The following ZNF804A variants were observed in gnomAD, a reference collection of about 807,000 sequenced individuals.
ZNF804A encodes the protein zinc finger protein 804A.
Under a neutral mutation model 16.5 loss-of-function variants are expected in ZNF804A, and 2 were observed. The ratio of observed to expected loss-of-function variants is 0.12; its 90% CI spans 0.05 to 0.38. ZNF804A has a LOEUF of 0.38. ZNF804A is among the 10% of genes least tolerant of loss of function. The pLI is 0.99. For synonymous variants in ZNF804A, 534 were observed against 489.6 expected, an observed-to-expected ratio of 1.09 and a Z score of -1.20; for missense variants, 1,473 against 1,390.7, an observed-to-expected ratio of 1.06 and a Z score of -0.94.
chr2:184,601,228 TG>T (rs762835588), intron 1 of ZNF804A, among the ~76,000 whole-genome samples: 78 of 152,218 alleles, frequency 5.1e-4, no homozygotes, highest in Middle Eastern at 3.4e-3. Context: ...AGTATTATTA[TG>T]GAAAATGATG....
In ZNF804A at chr2:184,937,615, T is replaced by C. The variant is rs1225754338; in HGVS notation, c.2219T>C (p.Val740Ala). 1 of 1,613,718 alleles carries C rather than the reference T, an allele frequency of 6.2e-7. No individual in the cohort carries two copies. Among genetic ancestry groups the C allele is most frequent in the Non-Finnish European group, 8.5e-7 (1 of 1,179,884 alleles). The change falls in exon 4 of 4, where the codon GTT becomes GCT. Residue 740 changes from valine (V) to alanine (A), a missense_variant. Val to Ala is a moderately conservative substitution (Grantham distance 64, BLOSUM62 0). Coordinates refer to ENST00000302277, the MANE Select transcript of ZNF804A (RefSeq NM_194250.2). Reference protein sequence around the residue: ...SSCSQDHRSLVLQNDMKHMSQ... With the variant: ...SSCSQDHRSLALQNDMKHMSQ... ...TGTAGTCAGGATCACAGAAGCTTAG[T>C]TCTTCAAAATGATATGAAACACATG...
intron 1 of ZNF804A, among the ~76,000 whole-genome samples, chr2:184,666,933 G>C (rs1692264279): frequency 6.6e-6 from 1 of 151,946 alleles, no homozygotes; most frequent in South Asian, 2.1e-4. Flanking sequence ...TAATTTCATG[G>C]AACATAGTTT....
chr2:184,731,999 A>T (rs1693528237), intron 1 of ZNF804A, among the ~76,000 whole-genome samples: 1 of 152,040 alleles, frequency 6.6e-6, no homozygotes, highest in African/African-American at 2.4e-5. Context: ...CTAGTCTTTG[A>T]ATTGTATTTT....
chr2:184,783,435 C>T (rs1052973184), intron 1 of ZNF804A, among the ~76,000 whole-genome samples: 17 of 151,698 alleles, frequency 1.1e-4, no homozygotes, highest in East Asian at 1.9e-4. Flanking sequence ...AAAAATCTTA[C>T]GATGTACTGA....
At chr2:184,771,649 T>C (rs975149148) in intron 1 of ZNF804A, among the ~76,000 whole-genome samples, 3 of 151,928 alleles carry the variant, frequency 2.0e-5, no homozygotes, top group Non-Finnish European at 2.9e-5. Context: ...TTAGATCAAC[T>C]GGATAAAAGT....
At chr2:184,685,327 C>G (rs934810266) in intron 1 of ZNF804A, among the ~76,000 whole-genome samples, 3 of 152,022 alleles carry the variant, frequency 2.0e-5, no homozygotes, top group Non-Finnish European at 4.4e-5. Context: ...GTGTCACAGC[C>G]GTGGCTCAGA....
intron 1 of ZNF804A, among the ~76,000 whole-genome samples, chr2:184,832,152 C>T (rs941728731): frequency 4.6e-5 from 7 of 151,998 alleles, no homozygotes; most frequent in African/African-American, 7.2e-5. Context: ...CATAATCAAG[C>T]ATCCATTCCT....
intron 1 of ZNF804A, among the ~76,000 whole-genome samples, chr2:184,818,431 C>A (rs1462875977): frequency 6.6e-6 from 1 of 151,348 alleles, no homozygotes; most frequent in Admixed American, 6.6e-5. Flanking sequence ...AAAGGAAAAA[C>A]CATTACCAGC....
chr2:184,904,788 G>A (rs577625024), intron 2 of ZNF804A, among the ~76,000 whole-genome samples: 53 of 152,034 alleles, frequency 3.5e-4, no homozygotes, highest in Admixed American at 1.4e-3. Context: ...GAAATGATAT[G>A]ATTTTTATGA....
intron 1 of ZNF804A, among the ~76,000 whole-genome samples, chr2:184,771,852 A>T (rs1694220395): frequency 6.6e-6 from 1 of 152,032 alleles, no homozygotes; most frequent in South Asian, 2.1e-4. Context: ...AAACAATGTA[A>T]TCTCAGGAGT....
At chr2:184,923,736 T>C (rs1368589475) in intron 2 of ZNF804A, among the ~76,000 whole-genome samples, 1 of 151,974 alleles carries the variant, frequency 6.6e-6, no homozygotes, top group Non-Finnish European at 1.5e-5. Flanking sequence ...CTAAACCCAG[T>C]TTTTTGAGGG....
At chr2:184,917,380 G>A (rs139619347) in intron 2 of ZNF804A, among the ~76,000 whole-genome samples, 2 of 152,154 alleles carry the variant, frequency 1.3e-5, no homozygotes, top group East Asian at 3.9e-4. Context: ...ATACTATGAT[G>A]TAAAATTAAC....
At position 184,937,786 on chromosome 2, in the gene ZNF804A, G is replaced by T; in HGVS notation, c.2390G>T (p.Arg797Met). The T allele has an allele frequency of 6.2e-6, 10 of 1,613,866 alleles. No homozygotes were observed. Among genetic ancestry groups the T allele is most frequent in the Non-Finnish European group, 8.5e-6 (10 of 1,179,938 alleles). Residue 797 changes from arginine (R) to methionine (M), a missense_variant, in exon 4 of 4, where the codon AGG (arginine) becomes ATG (methionine). Physicochemically the swap from Arg to Met is moderately conservative, Grantham distance 91. Coordinates refer to ENST00000302277, the MANE Select transcript of ZNF804A (RefSeq NM_194250.2). ...AATCATTTACCAGAAGAATTTTTGAGGCCACCAAGTACTTCAGTTGCTCCC... is the reference window on the plus strand; with the variant it reads ...AATCATTTACCAGAAGAATTTTTGATGCCACCAAGTACTTCAGTTGCTCCC... ...RQNHLPEEFLRPPSTSVAPCK... is the reference protein window; with the variant it reads ...RQNHLPEEFLMPPSTSVAPCK...
chr2:184,646,473 T>G (rs1691874486), intron 1 of ZNF804A, among the ~76,000 whole-genome samples: 1 of 152,200 alleles, frequency 6.6e-6, no homozygotes, highest in African/African-American at 2.4e-5. Context: ...TCAGAGCATT[T>G]GCTCAACTGG....
intron 1 of ZNF804A, among the ~76,000 whole-genome samples, chr2:184,782,054 A>G (rs2105774201): frequency 6.6e-6 from 1 of 151,678 alleles, no homozygotes; most frequent in African/African-American, 2.4e-5. Context: ...TAAGGATATG[A>G]GTTAGTGGAT....
intron 1 of ZNF804A, among the ~76,000 whole-genome samples, chr2:184,638,316 G>A (rs896707372): frequency 7.9e-5 from 12 of 152,166 alleles, no homozygotes; most frequent in African/African-American, 2.9e-4. Flanking sequence ...ATGATGACAT[G>A]CAGACTTTGT....
At position 184,936,606 on chromosome 2, in the gene ZNF804A, A is replaced by G. The variant is rs371251154; in HGVS notation, c.1210A>G (p.Thr404Ala). Residue 404 changes from threonine (T) to alanine (A), a missense_variant, in exon 4 of 4, where the codon ACT becomes GCT. Coordinates refer to ENST00000302277, the MANE Select transcript of ZNF804A (RefSeq NM_194250.2). ...NGPETLAPSN[T>A]EEVNITIHKK... ...TCCCGAGACATTGGCCCCTTCAAAT[A>G]CTGAAGAGGTTAACATAACTATACA... 2 of 1,613,936 alleles carry G rather than the reference A, an allele frequency of 1.2e-6. No homozygotes were observed. The highest frequency in any genetic ancestry group is 2.7e-5 in the African/African-American group (2 of 74,920).
intron 1 of ZNF804A, among the ~76,000 whole-genome samples, chr2:184,802,253 C>T (rs1360010969): frequency 6.6e-6 from 1 of 152,124 alleles, no homozygotes; most frequent in Non-Finnish European, 1.5e-5. Context: ...ATGAAAGTTA[C>T]AGAGGGTTGA....
intron 1 of ZNF804A, among the ~76,000 whole-genome samples, chr2:184,688,833 T>G (rs943081265): frequency 3.3e-5 from 5 of 152,164 alleles, no homozygotes; most frequent in African/African-American, 1.2e-4. Flanking sequence ...AGAGATATGC[T>G]AAATATCTGA....
Sources: allele counts gnomAD v4.1 joint callset (sites outside exome capture counted in the v4.1 genomes callset), GRCh38; gene constraint gnomAD v4.1.1; transcripts MANE v1.5; gene names NCBI Gene and HGNC (gene_info 2026-07-23, HGNC 2026-07-21).